Variants in NME9 observed in about 807,000 individuals in gnomAD.
NME9 encodes thioredoxin domain-containing protein 6.
A neutral mutation model predicts 44.4 loss-of-function variants in NME9; 48 were observed. That is an observed-to-expected ratio of 1.08 (90% CI 0.86 to 1.37). NME9 has a LOEUF of 1.37. Ranked by LOEUF, NME9 falls within the 40% of genes most tolerant of loss-of-function variation. The pLI is 0.00. For missense variants in NME9, 325 were observed against 405.2 expected, an observed-to-expected ratio of 0.80 and a Z score of 1.70; for synonymous variants, 139 against 147.1, an observed-to-expected ratio of 0.94 and a Z score of 0.40.
intron 8 of NME9, among the ~76,000 whole-genome samples, chr3:138,272,077 C>G (rs1452794422): frequency 6.6e-6 from 1 of 152,106 alleles, no homozygotes; most frequent in African/African-American, 2.4e-5. Flanking sequence ...ACCCATGATA[C>G]AAATTAGAGA....
exon 9 of NME9, chr3:138,262,323 G>C: frequency 1.8e-6 from 1 of 560,756 alleles, no homozygotes; most frequent in South Asian, 2.5e-5. Flanking sequence ...AGGGCGAGGA[G>C]TAGATCAATA....
At chr3:138,311,333 A>G (rs994413248) in intron 6 of NME9, among the ~76,000 whole-genome samples, 1 of 152,188 alleles carries the variant, frequency 6.6e-6, no homozygotes, top group African/African-American at 2.4e-5. Context: ...AACTAATACC[A>G]ATTATACTCA....
At chr3:138,296,789 G>T (rs996953426), downstream of NME9, 6 of 152,198 alleles carry the variant, frequency 3.9e-5, no homozygotes, top group African/African-American at 1.2e-4. Flanking sequence ...GATAGTGAAA[G>T]CCCAGCCATG....
intron 8 of NME9, among the ~76,000 whole-genome samples, chr3:138,277,558 C>A (rs1403850829): frequency 6.6e-6 from 1 of 152,084 alleles, no homozygotes; most frequent in Non-Finnish European, 1.5e-5. Context: ...AAGAAAACAA[C>A]CAAACATAAA....
chr3:138,324,813 T>G (rs1357718164), intron 2 of NME9, 60 bp downstream of exon 2: 5 of 1,328,896 alleles, frequency 3.8e-6, no homozygotes, highest in African/African-American at 1.4e-5. Flanking sequence ...TCATGGTTCA[T>G]CACACCATTT....
At chr3:138,283,237 T>C (rs1037867448) in intron 8 of NME9, among the ~76,000 whole-genome samples, 1 of 152,246 alleles carries the variant, frequency 6.6e-6, no homozygotes, top group Non-Finnish European at 1.5e-5. Context: ...CTTTAGGATA[T>C]TTTGGGGCTT....
At position 138,322,628 on chromosome 3, in the gene NME9, G is replaced by T. The variant is rs142812149; in HGVS notation, c.91+2245C>A. ...AAGATACTGGTGGTTCACTTTGGAA[G>T]AAAATTTCTGCCGGCTGCAGAGAGA... On this transcript the variant is annotated intron_variant, in intron 2 of 10. Transcript: ENST00000333911. Among the ~76,000 whole-genome samples the T allele has an allele frequency of 4.6e-3, 698 of 152,194 alleles. 5 individuals carry two copies. The highest frequency in any genetic ancestry group is 0.016 in the African/African-American group (665 of 41,528).
rs79607109 is a variant in NME9 at position 138,327,811 on chromosome 3, T to C, written c.33+1492A>G. Among the ~76,000 whole-genome samples the C allele has an allele frequency of 8.6e-4, 131 of 152,242 alleles. 1 individual carries two copies. The highest frequency in any genetic ancestry group is 3.0e-3 in the African/African-American group (126 of 41,540). ...GGGAGCACTTAGTTTGAGTACTGCA[T>C]TGTACTCAGAGCTCTGAGTAATACA... On this transcript the variant is annotated intron_variant, in intron 1 of 10. Transcript: ENST00000333911.
chr3:138,324,297 C>A (rs1478976745), intron 2 of NME9: 1 of 359,428 alleles, frequency 2.8e-6, no homozygotes. Flanking sequence ...ACCTTAACTA[C>A]CGTGGTGAGA....
At chr3:138,287,711 G>C in intron 8 of NME9, 1 of 456,600 alleles carries the variant, frequency 2.2e-6, no homozygotes, top group Non-Finnish European at 4.4e-6. Context: ...TTCTACTGGA[G>C]GAAGCCACAT....
At chr3:138,263,776 C>A in intron 8 of NME9, 1 of 1,614,050 alleles carries the variant, frequency 6.2e-7, no homozygotes. Context: ...CGAATTGTGA[C>A]TGGCTTGTCT....
intron 8 of NME9, among the ~76,000 whole-genome samples, chr3:138,267,456 C>T (rs1468537699): frequency 1.3e-5 from 2 of 152,144 alleles, no homozygotes; most frequent in Non-Finnish European, 2.9e-5. Context: ...CTAACATATT[C>T]AGCTTATTTA....
intron 8 of NME9, among the ~76,000 whole-genome samples, chr3:138,279,323 TA>T (rs2108334862): frequency 6.6e-6 from 1 of 152,348 alleles, no homozygotes; most frequent in African/African-American, 2.4e-5. Flanking sequence ...ATTGTTTTTT[TA>T]AAACTCTGAT....
intron 2 of NME9, among the ~76,000 whole-genome samples, chr3:138,322,452 C>T (rs2053527249): frequency 6.6e-6 from 1 of 150,984 alleles, no homozygotes; most frequent in South Asian, 2.1e-4. Context: ...ACAGAGAAGC[C>T]ACATGGAAGG....
chr3:138,303,462 TG>T, intron 10 of NME9, 44 bp downstream of exon 10: 1 of 1,515,802 alleles, frequency 6.6e-7, no homozygotes, highest in Non-Finnish European at 9.1e-7. Flanking sequence ...ACAAATTCCT[TG>T]TATCTATGAT....
At chr3:138,294,658 T>C (rs1185506030) in intron 8 of NME9, among the ~76,000 whole-genome samples, 2 of 152,218 alleles carry the variant, frequency 1.3e-5, no homozygotes, top group Non-Finnish European at 2.9e-5. Flanking sequence ...GATCAGCTAT[T>C]GTACCTGAAC....
At chr3:138,263,115 A>C (rs375351062) in intron 8 of NME9, among the ~76,000 whole-genome samples, 1 of 152,272 alleles carries the variant, frequency 6.6e-6, no homozygotes, top group Non-Finnish European at 1.5e-5. Flanking sequence ...AGTCAAATTC[A>C]GTTTCCTTCA....
At chr3:138,278,992 T>A (rs2049597359) in intron 8 of NME9, among the ~76,000 whole-genome samples, 1 of 152,152 alleles carries the variant, frequency 6.6e-6, no homozygotes, top group Non-Finnish European at 1.5e-5. Flanking sequence ...TAGCTTTATT[T>A]CTTACTTTCC....
Position 138,301,575 on chromosome 3 carries a change from T to A in NME9, c.*65A>T. The A allele has an allele frequency of 6.6e-7, 1 of 1,525,056 alleles. No homozygotes were observed. The highest frequency in any genetic ancestry group is 2.1e-5 in the Admixed American group (1 of 47,888). The allele number at this position is 1,525,056 out of a possible 1,614,324, so 94.5% of individuals were successfully genotyped here. A position where few individuals can be genotyped will look rare whatever the true frequency, so the allele number is the denominator to read the frequency against. ...TGGTACTCAAAAGAGTAAGTTCCGA[T>A]TCCGGAGGTCTGTTTTGTGCAGTAG... On this transcript the variant is annotated 3_prime_UTR_variant, in exon 11 of 11. Transcript: ENST00000333911.
Sources: gnomAD v4.1 joint callset for allele counts (sites outside exome capture counted in the v4.1 genomes callset) on GRCh38, gnomAD v4.1.1 for gene constraint, MANE v1.5 for transcripts, NCBI Gene and HGNC (gene_info 2026-07-23, HGNC 2026-07-21) for gene names.